DLC1: variants seen among roughly 807,000 people sequenced by gnomAD.
DLC1 encodes the protein DLC1 Rho GTPase activating protein, also known as rho GTPase-activating protein 7.
A neutral mutation model predicts 140.3 loss-of-function variants in DLC1; 54 were observed. That is an observed-to-expected ratio of 0.38 (90% confidence interval 0.31 to 0.48). The LOEUF (loss-of-function observed/expected upper bound fraction) is 0.48. DLC1 is among the 20% of genes least tolerant of loss of function. DLC1 has a pLI of 0.96. For synonymous variants in DLC1, 986 were observed against 728.1 expected, an observed-to-expected ratio of 1.35 and a Z score of -5.70; for missense variants, 2,536 against 1,907.0, an observed-to-expected ratio of 1.33 and a Z score of -6.14.
intron 5 of DLC1, among the ~76,000 whole-genome samples, chr8:13,128,548 G>A (rs971712547): frequency 6.6e-6 from 1 of 152,152 alleles, no homozygotes; most frequent in Non-Finnish European, 1.5e-5. Flanking sequence ...AAACATATGG[G>A]CTTGCTGGAC....
chr8:13,310,623 G>A (rs1467755251), intron 4 of DLC1, among the ~76,000 whole-genome samples: 1 of 152,196 alleles, frequency 6.6e-6, no homozygotes, highest in Non-Finnish European at 1.5e-5. Flanking sequence ...GGGAAAATGA[G>A]TTTGTTTTCA....
chr8:13,562,348 A>G (rs1490816757), intron 1 of DLC1, among the ~76,000 whole-genome samples: 1 of 152,156 alleles, frequency 6.6e-6, no homozygotes, highest in Non-Finnish European at 1.5e-5. Context: ...TTTCCAACAT[A>G]TGAAGTGACT....
At chr8:13,368,643 A>G (rs923795349) in intron 4 of DLC1, among the ~76,000 whole-genome samples, 2 of 152,066 alleles carry the variant, frequency 1.3e-5, no homozygotes, top group African/African-American at 4.8e-5. Context: ...ATCATTCCTA[A>G]TAGGTTAACC....
chr8:13,199,066 C>A (rs1827228389), intron 5 of DLC1, among the ~76,000 whole-genome samples: 1 of 151,890 alleles, frequency 6.6e-6, no homozygotes, highest in South Asian at 2.1e-4. Context: ...CATGTAATAG[C>A]AACTTACAGC....
chr8:13,557,214 C>CT (rs1036074351), intron 1 of DLC1, among the ~76,000 whole-genome samples: 455 of 149,484 alleles, frequency 3.0e-3, no homozygotes, highest in Non-Finnish European at 4.4e-3. Flanking sequence ...GAACATTTCA[C>CT]TTTTTTTTTT....
At chr8:13,409,130 A>G (rs1439026495) in intron 2 of DLC1, among the ~76,000 whole-genome samples, 2 of 152,146 alleles carry the variant, frequency 1.3e-5, no homozygotes, top group Middle Eastern at 3.2e-3. Flanking sequence ...GAGTCCAACA[A>G]CTATATTTTC....
intron 4 of DLC1, among the ~76,000 whole-genome samples, chr8:13,343,725 G>C (rs1048720328): frequency 3.9e-5 from 6 of 152,074 alleles, no homozygotes; most frequent in African/African-American, 1.4e-4. Context: ...TCCTACACTG[G>C]ATCGCCTCTT....
chr8:13,112,933 G>T (rs144368960), intron 6 of DLC1, among the ~76,000 whole-genome samples: 4 of 152,020 alleles, frequency 2.6e-5, no homozygotes. Context: ...TATAATATCA[G>T]ATCTATAAAT....
At chr8:13,208,500 A>G (rs1046705205) in intron 5 of DLC1, among the ~76,000 whole-genome samples, 4 of 152,130 alleles carry the variant, frequency 2.6e-5, no homozygotes, top group East Asian at 1.9e-4. Flanking sequence ...CAAATTCACA[A>G]TATCAGTTTT....
intron 2 of DLC1, among the ~76,000 whole-genome samples, chr8:13,470,465 A>G (rs1800153801): frequency 6.6e-6 from 1 of 152,212 alleles, no homozygotes; most frequent in African/African-American, 2.4e-5. Context: ...GGACATGAAT[A>G]GACATTTCTC....
At chr8:13,246,403 A>G (rs540012534) in intron 5 of DLC1, among the ~76,000 whole-genome samples, 1 of 152,216 alleles carries the variant, frequency 6.6e-6, no homozygotes, top group Non-Finnish European at 1.5e-5. Context: ...TGATGATACT[A>G]TTAGTGTAGT....
chr8:13,418,265 T>C (rs1172199878), intron 2 of DLC1, among the ~76,000 whole-genome samples: 1 of 152,170 alleles, frequency 6.6e-6, no homozygotes, highest in African/African-American at 2.4e-5. Flanking sequence ...TTGCTTTTGG[T>C]GTTTTAGACA....
intron 5 of DLC1, among the ~76,000 whole-genome samples, chr8:13,230,853 T>A (rs1829017567): frequency 6.6e-6 from 1 of 152,142 alleles, no homozygotes; most frequent in East Asian, 1.9e-4. Context: ...CACCTCGGCC[T>A]CCCAAAGTGC....
rs930671224 is a variant in DLC1 at position 13,133,314 on chromosome 8, G to T, written c.1349-17657C>A. On this transcript the variant is annotated intron_variant, in intron 5 of 17. Transcript: ENST00000276297. Reference sequence around the variant, plus strand: ...TGTCTCCCGCGCGCTCCGCCAGCCGGGCCCTCCCGCTGGGCCCACCCCCCG... The same window carrying T: ...TGTCTCCCGCGCGCTCCGCCAGCCGTGCCCTCCCGCTGGGCCCACCCCCCG... 4 of 1,204,890 alleles carry T rather than the reference G, an allele frequency of 3.3e-6. No homozygotes were observed. The African/African-American group carries it at 4.9e-5, about 15-fold the overall frequency. The allele number at this position is 1,204,890 out of a possible 1,614,324, so 74.6% of individuals were successfully genotyped here. A position where few individuals can be genotyped will look rare whatever the true frequency, so the allele number is the denominator to read the frequency against.
chr8:13,198,442 A>G (rs776145052), intron 5 of DLC1, among the ~76,000 whole-genome samples: 6 of 152,190 alleles, frequency 3.9e-5, no homozygotes, highest in African/African-American at 7.2e-5. Context: ...ATTTCAGGAC[A>G]GTTTTCCCGA....
At chr8:13,286,181 T>C (rs1831528872) in intron 5 of DLC1, among the ~76,000 whole-genome samples, 1 of 152,172 alleles carries the variant, frequency 6.6e-6, no homozygotes, top group African/African-American at 2.4e-5. Flanking sequence ...CAAAATCTGA[T>C]ATCAGGAAAA....
At chr8:13,330,717 G>A (rs1015521298) in intron 4 of DLC1, among the ~76,000 whole-genome samples, 10 of 152,184 alleles carry the variant, frequency 6.6e-5, no homozygotes, top group African/African-American at 2.4e-4. Context: ...GTGACCAGGG[G>A]TTAGGATTAC....
chr8:13,173,486 C>G (rs1327134216), intron 5 of DLC1, among the ~76,000 whole-genome samples: 1 of 151,810 alleles, frequency 6.6e-6, no homozygotes, highest in African/African-American at 2.4e-5. Flanking sequence ...ATTCTCCTGC[C>G]TCAGCCTCCC....
chr8:13,596,658 A>G (rs1257418526), intron 1 of DLC1, among the ~76,000 whole-genome samples: 2 of 151,992 alleles, frequency 1.3e-5, no homozygotes, highest in African/African-American at 4.8e-5. Flanking sequence ...TAAATTTGGG[A>G]GTCTTTCAAA....
Sources: gnomAD v4.1 joint callset for allele counts (sites outside exome capture counted in the v4.1 genomes callset) on GRCh38, gnomAD v4.1.1 for gene constraint, MANE v1.5 for transcripts, NCBI Gene and HGNC (gene_info 2026-07-23, HGNC 2026-07-21) for gene names.